STAM2: variants seen among roughly 807,000 people sequenced by gnomAD.
The protein encoded by STAM2 is signal transducing adapter molecule 2.
In STAM2, 51 loss-of-function variants were observed where a neutral mutation model predicts 65.6. The observed-to-expected ratio is 0.78, with a 90% CI of 0.62 to 0.98. The LOEUF (loss-of-function observed/expected upper bound fraction) is 0.98, where lower values mean the gene tolerates loss of function less well. Ranked by LOEUF, STAM2 falls within the 50% of genes least tolerant of loss-of-function variation. The pLI is 0.00. For missense variants in STAM2, 584 were observed against 617.8 expected, an observed-to-expected ratio of 0.95 and a Z score of 0.58; for synonymous variants, 198 against 208.4, an observed-to-expected ratio of 0.95 and a Z score of 0.43.
chr2:152,121,827 G>A (rs4664080), intron 13 of STAM2, among the ~76,000 whole-genome samples: 52,389 of 151,704 alleles, frequency 0.35, 9,746 homozygotes, highest in Middle Eastern at 0.47. Context: ...GGCGGATCAC[G>A]AGGTCAGGAG....
intron 1 of STAM2, among the ~76,000 whole-genome samples, chr2:152,152,571 A>C (rs899320921): frequency 4.6e-5 from 7 of 151,614 alleles, no homozygotes; most frequent in African/African-American, 1.5e-4. Context: ...CAAAAAAAAA[A>C]CTTTCTGGCT....
At chr2:152,143,407 G>C (rs1689284513) in intron 7 of STAM2, among the ~76,000 whole-genome samples, 1 of 152,184 alleles carries the variant, frequency 6.6e-6, no homozygotes, top group East Asian at 1.9e-4. Flanking sequence ...ATTCTGAGGA[G>C]AATACAGTAG....
chr2:152,120,395 G>GAAAA lies in STAM2; in HGVS notation c.*175_*178dup, dbSNP rs58778946. 112 of 305,064 alleles carry GAAAA rather than the reference G, an allele frequency of 3.7e-4. No homozygotes were observed. The highest frequency in any genetic ancestry group is 6.1e-4 in the South Asian group (15 of 24,610). The allele number at this position is 305,064 out of a possible 1,614,324, so 18.9% of individuals were successfully genotyped here. A position where few individuals can be genotyped will look rare whatever the true frequency, so the allele number is the denominator to read the frequency against. On this transcript the variant is annotated 3_prime_UTR_variant, in exon 14 of 14. Coordinates refer to ENST00000263904, the MANE Select transcript of STAM2 (RefSeq NM_005843.6). Reference sequence around the variant, plus strand: ...AGATTGACTTCAAACAAACTGGACTGAAAAAAAAAAAAAAAAAAAACCTTT... The same window carrying GAAAA: ...AGATTGACTTCAAACAAACTGGACTGAAAAAAAAAAAAAAAAAAAAAAAACCTTT...
At chr2:152,130,288 T>G (rs140692209) in intron 11 of STAM2, among the ~76,000 whole-genome samples, 4,556 of 151,970 alleles carry the variant, frequency 0.03, 215 homozygotes, top group African/African-American at 0.1. Context: ...GTCTTGCTCT[T>G]TTGCCCAGGC....
chr2:152,159,212 GGGA>G (rs1475347635), intron 1 of STAM2, among the ~76,000 whole-genome samples: 4 of 150,796 alleles, frequency 2.7e-5, no homozygotes, highest in African/African-American at 7.3e-5. Flanking sequence ...AGGCTGGGGT[GGGA>G]GGATTCCTTG....
rs960954646 is a variant in STAM2 at position 152,117,646 on chromosome 2, C to G, written c.*2928G>C. On this transcript the variant is annotated 3_prime_UTR_variant, in exon 14 of 14. Coordinates refer to ENST00000263904, the MANE Select transcript of STAM2 (RefSeq NM_005843.6). ...GTGCTATTTATAATTTATTACTTAT[C>G]AAAGTAACTCCAGCTTTCTTATAGC... The G allele has an allele frequency of 1.3e-5, 2 of 152,054 alleles. No individual in the cohort carries two copies. Among genetic ancestry groups the G allele is most frequent in the African/African-American group, 4.8e-5 (2 of 41,406 alleles). 9.4% of individuals were successfully genotyped at this position (152,054 alleles called of 1,614,324 possible).
chr2:152,147,145 C>A lies in STAM2; in HGVS notation c.447+17G>T. ...AAATATTATAGGGTCAACCATGGGT[C>A]TGAATAAATCTCTCACCTGAGAACC... is the stretch of plus-strand genomic sequence containing the variant. On this transcript the variant is annotated intron_variant, in intron 5 of 13. Coordinates refer to ENST00000263904, the MANE Select transcript of STAM2 (RefSeq NM_005843.6). The A allele has an allele frequency of 6.3e-7, 1 of 1,591,508 alleles. No homozygotes were observed. Among genetic ancestry groups the A allele is most frequent in the South Asian group, 1.2e-5 (1 of 86,776 alleles).
At chr2:152,168,550 T>C (rs1041853970) in intron 1 of STAM2, among the ~76,000 whole-genome samples, 1 of 152,230 alleles carries the variant, frequency 6.6e-6, no homozygotes, top group Non-Finnish European at 1.5e-5. Context: ...GCTATAGTAT[T>C]ATGTTGTATA....
At chr2:152,167,811 G>C (rs1159330241) in intron 1 of STAM2, among the ~76,000 whole-genome samples, 1 of 152,156 alleles carries the variant, frequency 6.6e-6, no homozygotes, top group Admixed American at 6.5e-5. Context: ...TCAGGAGGCT[G>C]AGGTAGGAGA....
At chr2:152,154,758 AT>A (rs1470804129) in intron 1 of STAM2, among the ~76,000 whole-genome samples, 1 of 152,196 alleles carries the variant, frequency 6.6e-6, no homozygotes, top group Non-Finnish European at 1.5e-5. Context: ...CTTAACATGC[AT>A]TTCTACTCAT....
At chr2:152,148,453 T>C (rs4664537) in intron 2 of STAM2, among the ~76,000 whole-genome samples, 153 bp from the exon 3 acceptor site, 35,509 of 152,106 alleles carry the variant, frequency 0.23, 4,241 homozygotes, top group Admixed American at 0.31. Flanking sequence ...GAGGATCACT[T>C]GAGCCCATGA....
Position 152,150,210 on chromosome 2 carries a change from G to A in STAM2, c.60C>T (p.Tyr20=). The change falls in exon 2 of 14, where the codon TAC becomes TAT. Residue 20 remains tyrosine, a synonymous_variant. Coordinates refer to ENST00000263904, the MANE Select transcript of STAM2 (RefSeq NM_005843.6). ...EQDVEKATNE[Y]NTTEDWSLIM... Reference sequence around the variant, plus strand: ...TAAGACTCCAATCTTCTGTAGTGTTGTACTCATTCGTGGCTTTTTCTATAA... The same window carrying A: ...TAAGACTCCAATCTTCTGTAGTGTTATACTCATTCGTGGCTTTTTCTATAA... 6.2e-7 allele frequency: 1 copy of A among 1,612,876 alleles called. No individual in the cohort carries two copies. The highest frequency in any genetic ancestry group is 8.5e-7 in the Non-Finnish European group (1 of 1,179,210).
Position 152,120,245 on chromosome 2 carries a change from AGTTTGTCATAAGTATCTCATACT to A in STAM2, c.*306_*328del, listed in dbSNP as rs1688825213. ...GCACTCCAGCCTGGGTGACAGAGCG[AGTTTGTCATAAGTATCTCATACT>A]GTTTGTCATAAGGCTACTTAATGAG... On this transcript the variant is annotated 3_prime_UTR_variant, in exon 14 of 14. Coordinates refer to ENST00000263904, the MANE Select transcript of STAM2 (RefSeq NM_005843.6). The A allele has an allele frequency of 2.1e-5, 5 of 241,908 alleles. No homozygotes were observed. In the South Asian group the frequency reaches 3.6e-4, roughly 18 times the overall value. 15.0% of individuals were successfully genotyped at this position (241,908 alleles called of 1,614,324 possible).
chr2:152,175,458 A>G, intron 1 of STAM2, 145 bp downstream of exon 1: 2 of 1,076,336 alleles, frequency 1.9e-6, no homozygotes, highest in Middle Eastern at 4.0e-4. Flanking sequence ...AAAAATCCCA[A>G]CGTCGAAGGA....
rs139523994 is a variant in STAM2 at position 152,146,918 on chromosome 2, C to T, written c.447+244G>A. Among the ~76,000 whole-genome samples the T allele has an allele frequency of 3.6e-3, 552 of 152,332 alleles. 4 individuals carry two copies. The highest frequency in any genetic ancestry group is 6.8e-3 in the Middle Eastern group (2 of 294). ...TCATATACCTATGCCTTTTGCATGA[C>T]TGTAGACTTAGAGGAACATTAAATA... is the stretch of plus-strand genomic sequence containing the variant. On this transcript the variant is annotated intron_variant, in intron 5 of 13. Transcript: ENST00000263904.
At chr2:152,150,287 A>G (rs762252947) in intron 1 of STAM2, 58 bp from the exon 2 acceptor site, 12 of 1,113,848 alleles carry the variant, frequency 1.1e-5, no homozygotes, top group Non-Finnish European at 1.6e-5. Flanking sequence ...ACACTAAAAT[A>G]CCAGTAAAGG....
intron 1 of STAM2, among the ~76,000 whole-genome samples, chr2:152,168,151 T>C (rs944796979): frequency 6.1e-5 from 9 of 148,698 alleles, no homozygotes; most frequent in Non-Finnish European, 1.2e-4. Context: ...TACATACTTA[T>C]ATACAAGGCC....
intron 1 of STAM2, among the ~76,000 whole-genome samples, chr2:152,172,349 A>T (rs924975814): frequency 6.6e-6 from 1 of 152,044 alleles, no homozygotes; most frequent in Non-Finnish European, 1.5e-5. Context: ...GTCACATATC[A>T]TCATCAATTC....
In STAM2 at chr2:152,123,786, A is replaced by T. The variant is rs757354576; in HGVS notation, c.1329T>A (p.Pro443=). 1 of 1,614,002 alleles carries T rather than the reference A, an allele frequency of 6.2e-7. No individual in the cohort carries two copies. Among genetic ancestry groups the T allele is most frequent in the Admixed American group, 1.7e-5 (1 of 59,994 alleles). ...PNVNSSVTAQ[P]AQTSYLSTGQ... ...CTTACCTTAAATATGAAGTTTGAGC[A>T]GGCTGTGCTGTCACTGAGGAATTCA... The change falls in exon 13 of 14, where the codon CCT becomes CCA. Residue 443 remains proline, a synonymous_variant. Coordinates refer to ENST00000263904, the MANE Select transcript of STAM2 (RefSeq NM_005843.6).
Sources: gnomAD v4.1 joint callset for allele counts (sites outside exome capture counted in the v4.1 genomes callset) on GRCh38, gnomAD v4.1.1 for gene constraint, MANE v1.5 for transcripts, NCBI Gene and HGNC (gene_info 2026-07-23, HGNC 2026-07-21) for gene names.